TXNRD1: variants seen among roughly 807,000 people sequenced by gnomAD.
TXNRD1 encodes thioredoxin reductase 1, also known as thioredoxin reductase 1, cytoplasmic.
TXNRD1 carries 57 observed loss-of-function variants against 80.3 expected under a neutral mutation model. That is an observed-to-expected ratio of 0.71 (90% CI 0.57 to 0.89). The LOEUF is 0.89. TXNRD1 is among the 40% of genes least tolerant of loss of function. The pLI is 0.00. For missense variants in TXNRD1, 730 were observed against 803.0 expected, an observed-to-expected ratio of 0.91 and a Z score of 1.10; for synonymous variants, 291 against 285.2, an observed-to-expected ratio of 1.02 and a Z score of -0.20.
At chr12:104,296,864 T>C (rs1490366150) in intron 4 of TXNRD1, among the ~76,000 whole-genome samples, 1 of 152,246 alleles carries the variant, frequency 6.6e-6, no homozygotes, top group East Asian at 1.9e-4. Context: ...TTCAGCATTC[T>C]ATGCAGGTGT....
intron 1 of TXNRD1, among the ~76,000 whole-genome samples, chr12:104,216,935 G>T (rs1205864227): frequency 6.6e-6 from 1 of 152,216 alleles, no homozygotes; most frequent in Non-Finnish European, 1.5e-5. Flanking sequence ...AGCCAAGTGG[G>T]GATGGCAGCT....
chr12:104,291,152 A>C, intron 4 of TXNRD1: 1 of 574,622 alleles, frequency 1.7e-6, no homozygotes, highest in Non-Finnish European at 3.1e-6. Context: ...ACTTAAAAGA[A>C]ATCATTTAGC....
intron 3 of TXNRD1, 128 bp from the exon 4 acceptor site, chr12:104,288,803 C>G (rs750871862): frequency 5.2e-5 from 83 of 1,590,730 alleles, no homozygotes; most frequent in Non-Finnish European, 6.8e-5. Flanking sequence ...TGCTAACTTG[C>G]AAGGGAGTCA....
In TXNRD1 at chr12:104,319,033, T is replaced by A; in HGVS notation, c.851T>A (p.Phe284Tyr). ...GTCTATGAGAATGCTTATGGGCAAT[T>A]TATTGGTCCTCACAGGATTAAGGTA... ...KVVYENAYGQ[F>Y]IGPHRIKATN... Residue 284 changes from phenylalanine to tyrosine, a missense_variant, in exon 8 of 17, where the codon TTT becomes TAT. Transcript: ENST00000525566. The A allele has an allele frequency of 6.2e-7, 1 of 1,613,770 alleles. No homozygotes were observed. The highest frequency in any genetic ancestry group is 8.5e-7 in the Non-Finnish European group (1 of 1,179,838).
intron 16 of TXNRD1, among the ~76,000 whole-genome samples, chr12:104,340,809 C>T (rs187729015): frequency 1.3e-4 from 20 of 152,202 alleles, no homozygotes; most frequent in Non-Finnish European, 2.1e-4. Context: ...CTTGATCATG[C>T]CTTTTAGGGT....
chr12:104,304,065 A>AC (rs773164321), intron 4 of TXNRD1: 1 of 1,613,796 alleles, frequency 6.2e-7, no homozygotes, highest in African/African-American at 1.3e-5. Flanking sequence ...CGCAGGCAGT[A>AC]CCGGCAGCTC....
At chr12:104,290,696 CAAAA>C (rs1317106811) in intron 4 of TXNRD1, among the ~76,000 whole-genome samples, 1 of 31,090 alleles carries the variant, frequency 3.2e-5, no homozygotes, top group African/African-American at 1.1e-4. Context: ...GACCCTGTCT[CAAAA>C]AAAAAAAAAA....
At chr12:104,340,985 C>T (rs991536407) in intron 16 of TXNRD1, among the ~76,000 whole-genome samples, 4 of 152,194 alleles carry the variant, frequency 2.6e-5, no homozygotes, top group Admixed American at 2.6e-4. Context: ...ATTCAGCTCT[C>T]AGTGGGCTTG....
chr12:104,318,993 C>A lies in TXNRD1; in HGVS notation c.811C>A (p.Arg271=). Residue 271 remains arginine (R), a synonymous_variant, in exon 8 of 17, where the codon CGG becomes AGG. Transcript: ENST00000525566. ...GAATTGGGGCTACCGAGTAGCTCTG[C>A]GGGAGAAAAAAGTCGTCTATGAGAA... ...SLNWGYRVAL[R]EKKVVYENAY... is the part of the protein sequence containing the mutation. 1 of 1,613,324 alleles carries A rather than the reference C, an allele frequency of 6.2e-7. No individual in the cohort carries two copies. The highest frequency in any genetic ancestry group is 8.5e-7 in the Non-Finnish European group (1 of 1,179,756).
rs371884469 is a variant in TXNRD1, at chr12:104,326,460, A to ATTTTTT, written c.1385+54_1385+59dup. 137 of 540,064 alleles carry ATTTTTT rather than the reference A, an allele frequency of 2.5e-4. 8 individuals are homozygous for ATTTTTT. The highest frequency in any genetic ancestry group is 4.5e-4 in the Admixed American group (8 of 17,860). 33.5% of individuals were successfully genotyped at this position (540,064 alleles called of 1,614,324 possible). A position where few individuals can be genotyped will look rare whatever the true frequency, so the allele number is the denominator to read the frequency against. The stretch of plus-strand genomic sequence containing the variant: ...ATCTTTATTATGTCATATTTGTGGG[A>ATTTTTT]TTTTTTTTTTTTTTTTTTTTTTGAG... On this transcript the variant is annotated intron_variant, in intron 12 of 16. Transcript: ENST00000525566.
Position 104,241,937 on chromosome 12 carries a change from A to ATTTTTTTTT in TXNRD1, c.92-9577_92-9569dup, listed in dbSNP as rs747774973. 1.6e-3 allele frequency among the ~76,000 whole-genome samples: 150 copies of ATTTTTTTTT among 96,044 alleles called. 2 individuals are homozygous for ATTTTTTTTT. The highest frequency in any genetic ancestry group is 1.8e-3 in the Admixed American group (12 of 6,614). 63.0% of individuals were successfully genotyped at this position (96,044 alleles called of 152,430 possible). On this transcript the variant is annotated intron_variant, in intron 1 of 16. Coordinates refer to ENST00000525566, the MANE Select transcript of TXNRD1 (RefSeq NM_001093771.3). ...ACATCTTTTATTTTTTATACTAATG[A>ATTTTTTTTT]TTTTTTTTTTTTTTTTTTTTTGAGA...
intron 1 of TXNRD1, among the ~76,000 whole-genome samples, chr12:104,237,967 C>T (rs1157233917): frequency 5.9e-5 from 9 of 151,654 alleles, no homozygotes; most frequent in Admixed American, 2.6e-4. Context: ...GCTGAGATCA[C>T]GCCACTGCGC....
At chr12:104,225,666 G>T (rs558315890) in intron 1 of TXNRD1, among the ~76,000 whole-genome samples, 2 of 150,690 alleles carry the variant, frequency 1.3e-5, no homozygotes, top group Non-Finnish European at 2.9e-5. Context: ...ATGACTAAAA[G>T]TTTCCTGAGG....
chr12:104,310,316 A>C (rs1008663284), intron 4 of TXNRD1, among the ~76,000 whole-genome samples: 7 of 151,966 alleles, frequency 4.6e-5, no homozygotes, highest in African/African-American at 2.4e-5. Flanking sequence ...CACCTGGCTA[A>C]TTTTTGTATT....
At chr12:104,240,435 G>C (rs529726915) in intron 1 of TXNRD1, among the ~76,000 whole-genome samples, 2 of 152,204 alleles carry the variant, frequency 1.3e-5, no homozygotes, top group South Asian at 4.1e-4. Flanking sequence ...TAGTGAACTA[G>C]GATTACTCCA....
chr12:104,282,248 C>T (rs2033894319), intron 3 of TXNRD1, among the ~76,000 whole-genome samples: 1 of 152,118 alleles, frequency 6.6e-6, no homozygotes, highest in African/African-American at 2.4e-5. Context: ...CAAAATTAGT[C>T]CTAGAGTTTC....
At chr12:104,345,605 T>A (rs951767370) in intron 16 of TXNRD1, among the ~76,000 whole-genome samples, 4 of 151,730 alleles carry the variant, frequency 2.6e-5, no homozygotes, top group African/African-American at 4.9e-5. Context: ...TCTGAACACC[T>A]GAGCCGCAGT....
chr12:104,315,651 TA>T (rs1296444771), intron 6 of TXNRD1, 125 bp from the exon 7 acceptor site: 1 of 1,115,410 alleles, frequency 9.0e-7, no homozygotes, highest in Non-Finnish European at 1.2e-6. Context: ...TAAACTTTAT[TA>T]CTGACCACAT....
At chr12:104,254,644 A>AAAAAAAAAAAAAAAT in intron 2 of TXNRD1, among the ~76,000 whole-genome samples, 8 of 93,638 alleles carry the variant, frequency 8.5e-5, no homozygotes, top group South Asian at 3.6e-4. Flanking sequence ...AAAAAAAAAA[A>AAAAAAAAAAAAAAAT]ATATATATAT....
Sources: gnomAD v4.1 joint callset for allele counts (sites outside exome capture counted in the v4.1 genomes callset) on GRCh38, gnomAD v4.1.1 for gene constraint, MANE v1.5 for transcripts, NCBI Gene and HGNC (gene_info 2026-07-23, HGNC 2026-07-21) for gene names.